The following SMCO2 variants were observed in gnomAD, a reference collection of about 807,000 sequenced individuals.
SMCO2 encodes single-pass membrane protein with coiled-coil domains 2.
A neutral mutation model predicts 29.5 loss-of-function variants in SMCO2; 25 were observed. The observed-to-expected ratio is 0.85, with a 90% confidence interval of 0.62 to 1.18. The LOEUF (loss-of-function observed/expected upper bound fraction) is 1.18, where lower values mean the gene tolerates loss of function less well. Ranked by LOEUF, SMCO2 falls within the 50% of genes most tolerant of loss-of-function variation. The pLI, the probability that SMCO2 is intolerant of heterozygous loss-of-function variation, is 0.00. For synonymous variants in SMCO2, 117 were observed against 123.3 expected, an observed-to-expected ratio of 0.95 and a Z score of 0.34; for missense variants, 348 against 344.5, an observed-to-expected ratio of 1.01 and a Z score of -0.08.
chr12:27,469,626 G>T (rs1165661625), intron 1 of SMCO2, among the ~76,000 whole-genome samples: 1 of 152,118 alleles, frequency 6.6e-6, no homozygotes, highest in East Asian at 1.9e-4. Context: ...CCAATCTACT[G>T]CTATCACTCA....
Position 27,489,511 on chromosome 12 carries a change from A to C in SMCO2, c.450+964A>C, listed in dbSNP as rs537471823. ...TGTGTCTAACAACCTCTTTTAACTGAAATTGCCAGCTTCAATTTTAACTCA... is the reference window on the plus strand; with the variant it reads ...TGTGTCTAACAACCTCTTTTAACTGCAATTGCCAGCTTCAATTTTAACTCA... On this transcript the variant is annotated intron_variant, in intron 5 of 7. Coordinates refer to ENST00000298876, the Ensembl canonical transcript of SMCO2. Among the ~76,000 whole-genome samples, 6 of 152,312 alleles carry C rather than the reference A, an allele frequency of 3.9e-5. No individual in the cohort carries two copies. In the South Asian group the frequency reaches 1.0e-3, roughly 26 times the overall value.
At chr12:27,470,508 G>A (rs1949532254) in intron 1 of SMCO2, 114 bp from the exon 2 acceptor site, 1 of 1,179,580 alleles carries the variant, frequency 8.5e-7, no homozygotes, top group Admixed American at 2.6e-5. Flanking sequence ...CAGTTGAAAG[G>A]GGAGGAATTA....
At chr12:27,489,162 C>T (rs1012037581) in intron 5 of SMCO2, among the ~76,000 whole-genome samples, 1 of 152,132 alleles carries the variant, frequency 6.6e-6, no homozygotes, top group Non-Finnish European at 1.5e-5. Flanking sequence ...AATTCTCATG[C>T]CTCAGCCTCC....
chr12:27,462,310 GAC>G (rs1949464949), upstream of SMCO2, among the ~76,000 whole-genome samples: 1 of 152,132 alleles, frequency 6.6e-6, no homozygotes, highest in Non-Finnish European at 1.5e-5. Context: ...CATAGGAAAT[GAC>G]ACAGTTTCTC....
At chr12:27,431,542 T>G in the SMCO2 span, among the ~76,000 whole-genome samples, 1 of 152,222 alleles carries the variant, frequency 6.6e-6, no homozygotes, top group Non-Finnish European at 1.5e-5. Context: ...CTTAGCATCA[T>G]AGCCTCAATG....
At chr12:27,455,207 T>C in the SMCO2 span, among the ~76,000 whole-genome samples, 3 of 152,176 alleles carry the variant, frequency 2.0e-5, no homozygotes, top group Non-Finnish European at 4.4e-5. Flanking sequence ...GAGGCAGGCA[T>C]GTGGGGGCAT....
chr12:27,459,122 G>A, the SMCO2 span, among the ~76,000 whole-genome samples: 49 of 149,286 alleles, frequency 3.3e-4, no homozygotes, highest in African/African-American at 1.2e-3. Context: ...GGGAAGTGGA[G>A]CTTGAAGTGA....
At chr12:27,492,090 A>T (rs926906186) in intron 5 of SMCO2, among the ~76,000 whole-genome samples, 3 of 152,176 alleles carry the variant, frequency 2.0e-5, no homozygotes, top group African/African-American at 7.2e-5. Flanking sequence ...AAAGACAAAC[A>T]CAATGAACGT....
intron 6 of SMCO2, among the ~76,000 whole-genome samples, chr12:27,495,049 A>G (rs772465144): frequency 1.2e-4 from 19 of 152,122 alleles, no homozygotes; most frequent in Admixed American, 8.5e-4. Flanking sequence ...CTCCTCCCAC[A>G]AGATCTTAGA....
At chr12:27,456,858 C>T in the SMCO2 span, among the ~76,000 whole-genome samples, 7 of 152,114 alleles carry the variant, frequency 4.6e-5, no homozygotes, top group Admixed American at 1.3e-4. Context: ...AGGAGGTGAG[C>T]AGCAGGCAGG....
the SMCO2 span, among the ~76,000 whole-genome samples, chr12:27,461,322 C>T: frequency 1.6e-4 from 25 of 152,068 alleles, no homozygotes; most frequent in African/African-American, 5.3e-4. Flanking sequence ...TTGCATGTCA[C>T]GGGGGTTTGG....
rs748966091 is a variant in SMCO2 at position 27,501,901 on chromosome 12, C to G, written c.684-22C>G. 1.6e-5 allele frequency: 24 copies of G among 1,491,828 alleles called. 1 individual carries two copies. Among genetic ancestry groups the G allele is most frequent in the Non-Finnish European group, 2.1e-5 (23 of 1,117,618 alleles). The allele number at this position is 1,491,828 out of a possible 1,614,324, so 92.4% of individuals were successfully genotyped here. A position where few individuals can be genotyped will look rare whatever the true frequency, so the allele number is the denominator to read the frequency against. On this transcript the variant is annotated intron_variant, in intron 7 of 7. Transcript: ENST00000298876. ...GATTATTTTCAGAATTTGGTTAACACAGATGTTTTCTCTCTTTGTAGGAAA... is the reference window on the plus strand; with the variant it reads ...GATTATTTTCAGAATTTGGTTAACAGAGATGTTTTCTCTCTTTGTAGGAAA...
upstream of SMCO2, among the ~76,000 whole-genome samples, chr12:27,462,140 A>G (rs1328517590): frequency 1.3e-5 from 2 of 152,182 alleles, no homozygotes; most frequent in African/African-American, 4.8e-5. Context: ...GGATTTCACA[A>G]TGATGTTTTT....
chr12:27,450,095 C>T, the SMCO2 span, among the ~76,000 whole-genome samples: 879 of 152,344 alleles, frequency 5.8e-3, 3 homozygotes, highest in Non-Finnish European at 9.6e-3. Context: ...CATTCAGGAA[C>T]ACAGAGTTCT....
chr12:27,445,078 A>G, the SMCO2 span, among the ~76,000 whole-genome samples: 1 of 152,194 alleles, frequency 6.6e-6, no homozygotes, highest in Non-Finnish European at 1.5e-5. Context: ...GCTGTGTGAA[A>G]TAAGCCAAGC....
At chr12:27,472,637 G>A in intron 2 of SMCO2, 139 bp from the exon 3 acceptor site, 1 of 544,766 alleles carries the variant, frequency 1.8e-6, no homozygotes, top group Admixed American at 3.5e-5. Flanking sequence ...CACCCAGAAA[G>A]AACTCAGTAC....
intron 4 of SMCO2, among the ~76,000 whole-genome samples, chr12:27,477,970 C>T (rs1230422549): frequency 2.0e-5 from 3 of 152,030 alleles, no homozygotes; most frequent in Admixed American, 1.3e-4. Context: ...TGTTTCCTTC[C>T]TTTTTCATGT....
chr12:27,468,451 T>C (rs891854607), intron 1 of SMCO2, among the ~76,000 whole-genome samples: 2 of 152,228 alleles, frequency 1.3e-5, no homozygotes, highest in Middle Eastern at 3.2e-3. Context: ...TAGAAACAGG[T>C]GGCAGGCTGG....
chr12:27,501,786 C>A, intron 7 of SMCO2, 137 bp from the exon 9 acceptor site: 1 of 635,342 alleles, frequency 1.6e-6, no homozygotes, highest in Non-Finnish European at 2.5e-6. Context: ...CAAGCTGCTG[C>A]TTTTACAAAT....
Sources: allele counts gnomAD v4.1 joint callset (sites outside exome capture counted in the v4.1 genomes callset), GRCh38; gene constraint gnomAD v4.1.1; transcripts MANE v1.5; gene names NCBI Gene and HGNC (gene_info 2026-07-23, HGNC 2026-07-21).